The following KCNG2 variants were observed in gnomAD, a reference collection of about 807,000 sequenced individuals.
KCNG2 encodes the protein potassium voltage-gated channel modifier subfamily G member 2, also known as voltage-gated potassium channel regulatory subunit KCNG2.
KCNG2 carries 7 observed loss-of-function variants against 12.3 expected under a neutral mutation model. That is an observed-to-expected ratio of 0.57 (90% CI 0.32 to 1.07). The LOEUF is 1.07. KCNG2 is among the 50% of genes least tolerant of loss of function. The pLI is 0.04. For synonymous variants in KCNG2, 414 were observed against 351.4 expected (o/e 1.18, Z -1.99); for missense variants, 703 against 726.0 (o/e 0.97, Z 0.36).
chr18:79,847,930 A>C (rs1184447736), intron 1 of KCNG2, among the ~76,000 whole-genome samples: 1 of 152,188 alleles, frequency 6.6e-6, no homozygotes, highest in East Asian at 1.9e-4. Flanking sequence ...CATTTCATTT[A>C]TGTATGTGTA....
rs1298074939 is a variant in KCNG2 at position 79,893,495 on chromosome 18, C to T, written c.625-5545C>T. On this transcript the variant is annotated intron_variant, in intron 3 of 3. Transcript: ENST00000316249. The stretch of plus-strand genomic sequence containing the variant: ...ATGATCGATATAGTTGGGTCTGTGT[C>T]TGCTTTTGATTGCGTTCTTCACTCC... Among the ~76,000 whole-genome samples, 7 of 151,820 alleles carry T rather than the reference C, an allele frequency of 4.6e-5. No homozygotes were observed. The South Asian group carries it at 1.5e-3, about 32-fold the overall frequency.
At chr18:79,871,219 A>G (rs61090726) in intron 3 of KCNG2, among the ~76,000 whole-genome samples, 46,646 of 152,082 alleles carry the variant, frequency 0.31, 8,203 homozygotes, top group South Asian at 0.53. Flanking sequence ...GCTAAGCCTT[A>G]TGAGCTGACA....
intron 1 of KCNG2, among the ~76,000 whole-genome samples, chr18:79,804,944 C>CCACACACACG (rs1353341759): frequency 2.6e-5 from 4 of 152,128 alleles, no homozygotes; most frequent in Non-Finnish European, 5.9e-5. Flanking sequence ...TATAGAATGA[C>CCACACACACG]CACACACACG....
intron 3 of KCNG2, among the ~76,000 whole-genome samples, chr18:79,881,877 C>T (rs1219941144): frequency 6.6e-6 from 1 of 152,148 alleles, no homozygotes; most frequent in Non-Finnish European, 1.5e-5. Flanking sequence ...GGCGTGGGGT[C>T]GTGGACACAG....
chr18:79,830,686 TC>T (rs1978293050), intron 1 of KCNG2, among the ~76,000 whole-genome samples: 2 of 136,646 alleles, frequency 1.5e-5, no homozygotes, highest in East Asian at 2.0e-4. Flanking sequence ...TCAGGAGGGT[TC>T]CCTGCAGACA....
Position 79,864,039 on chromosome 18 carries a change from C to G in KCNG2, c.372C>G (p.Arg124=). ...AGCGCTGCTGCCTGCGCCGCCTGCG[C>G]CGCCGCGAGGAGGAGGCGGCCGAGG... ...RLERCCLRRL[R]RREEEAAEAR... is the part of the protein sequence containing the mutation. Residue 124 remains arginine (R), a synonymous_variant, in exon 3 of 4, where the codon CGC becomes CGG. Transcript: ENST00000316249. 5 of 1,138,048 alleles carry G rather than the reference C, an allele frequency of 4.4e-6. No individual in the cohort carries two copies. Among genetic ancestry groups the G allele is most frequent in the Non-Finnish European group, 4.3e-6 (4 of 928,340 alleles). 70.5% of individuals were successfully genotyped at this position (1,138,048 alleles called of 1,614,324 possible).
chr18:79,807,258 A>G (rs2087456574), intron 1 of KCNG2, among the ~76,000 whole-genome samples: 1 of 152,158 alleles, frequency 6.6e-6, no homozygotes, highest in South Asian at 2.1e-4. Context: ...TTTGCATGAA[A>G]GTGAGGTCCT....
intron 1 of KCNG2, among the ~76,000 whole-genome samples, chr18:79,846,088 C>G (rs1430210209): frequency 9.0e-6 from 1 of 111,382 alleles, no homozygotes; most frequent in African/African-American, 3.5e-5. Context: ...GAGACTCTGT[C>G]TTGGCTGGGC....
At chr18:79,894,383 G>C (rs1372364461) in intron 3 of KCNG2, among the ~76,000 whole-genome samples, 1 of 149,308 alleles carries the variant, frequency 6.7e-6, no homozygotes, top group African/African-American at 2.5e-5. Flanking sequence ...AGTTGGGTCT[G>C]TGTCTGCTTT....
At position 79,846,316 on chromosome 18, in the gene KCNG2, T is replaced by C. The variant is rs200762864; in HGVS notation, c.-114-10063T>C. On this transcript the variant is annotated intron_variant, in intron 1 of 3. Coordinates refer to ENST00000316249, the MANE Select transcript of KCNG2 (RefSeq NM_012283.2). ...TGAACTTGGGAGGTGGAGCTTGCAGTGAGCTGAGATCGTGTGCCACTGCAG... is the reference window on the plus strand; with the variant it reads ...TGAACTTGGGAGGTGGAGCTTGCAGCGAGCTGAGATCGTGTGCCACTGCAG... Among the ~76,000 whole-genome samples the C allele has an allele frequency of 1.2e-4, 16 of 130,910 alleles. No homozygotes were observed. In the East Asian group the frequency reaches 3.5e-3, roughly 29 times the overall value. 85.9% of individuals were successfully genotyped at this position (130,910 alleles called of 152,430 possible).
chr18:79,865,872 T>A (rs1340763598), intron 3 of KCNG2, among the ~76,000 whole-genome samples: 2 of 57,296 alleles, frequency 3.5e-5, no homozygotes, highest in Non-Finnish European at 5.2e-5. Flanking sequence ...GTCTGTGGGC[T>A]GAAGTCTGGG....
rs557424922 is a variant in KCNG2, at chr18:79,845,984, G to A, written c.-114-10395G>A. On this transcript the variant is annotated intron_variant, in intron 1 of 3. Coordinates refer to ENST00000316249, the MANE Select transcript of KCNG2 (RefSeq NM_012283.2). Reference sequence around the variant, plus strand: ...CGGGCCCCTGTAGTCCCAGCTACTCGGGAGGCTGAGGCAGGAGAATGGCGT... The same window carrying A: ...CGGGCCCCTGTAGTCCCAGCTACTCAGGAGGCTGAGGCAGGAGAATGGCGT... 3.0e-4 allele frequency among the ~76,000 whole-genome samples: 46 copies of A among 151,922 alleles called. 1 individual carries two copies. The East Asian group carries it at 5.2e-3, about 17-fold the overall frequency.
chr18:79,828,269 TAA>T lies in KCNG2; in HGVS notation c.-114-28108_-114-28107del, dbSNP rs1334539165. On this transcript the variant is annotated intron_variant, in intron 1 of 3. Coordinates refer to ENST00000316249, the MANE Select transcript of KCNG2 (RefSeq NM_012283.2). ...AGACATACAGACATGTAGGAATACT[TAA>T]AGACATGACATGCGTGCGTGTGCAT... 4.6e-5 allele frequency among the ~76,000 whole-genome samples: 7 copies of T among 152,368 alleles called. No individual in the cohort carries two copies. In the South Asian group the frequency reaches 1.4e-3, roughly 32 times the overall value.
chr18:79,826,232 C>T lies in KCNG2; in HGVS notation c.-115+28218C>T, dbSNP rs551736436. 1.6e-3 allele frequency among the ~76,000 whole-genome samples: 238 copies of T among 152,366 alleles called. 2 individuals carry two copies. Among genetic ancestry groups the T allele is most frequent in the African/African-American group, 4.6e-3 (192 of 41,598 alleles). ...TCCGTGGGAGAAGGGTCGCTTCAGA[C>T]GGGGACCGAGGGCCTGGCTCTGGGA... On this transcript the variant is annotated intron_variant, in intron 1 of 3. Transcript: ENST00000316249.
At chr18:79,877,708 G>A (rs922560073) in intron 3 of KCNG2, among the ~76,000 whole-genome samples, 4 of 152,186 alleles carry the variant, frequency 2.6e-5, no homozygotes, top group South Asian at 2.1e-4. Context: ...AGCCTCGGTC[G>A]GGGTGACAAG....
intron 1 of KCNG2, among the ~76,000 whole-genome samples, chr18:79,834,488 G>C (rs1024912830): frequency 1.8e-4 from 28 of 152,280 alleles, no homozygotes; most frequent in African/African-American, 6.7e-4. Flanking sequence ...GACAAAGTCC[G>C]GCAGAGTCAA....
intron 1 of KCNG2, among the ~76,000 whole-genome samples, chr18:79,826,057 C>T (rs780502561): frequency 6.6e-6 from 1 of 152,238 alleles, no homozygotes; most frequent in Non-Finnish European, 1.5e-5. Flanking sequence ...CTCTCGGCGT[C>T]GGGGCCTGTG....
chr18:79,798,445 G>GA (rs1163746160), intron 1 of KCNG2, among the ~76,000 whole-genome samples: 3 of 152,192 alleles, frequency 2.0e-5, no homozygotes, highest in Non-Finnish European at 4.4e-5. Flanking sequence ...GACTCTCCCG[G>GA]CGCCCGCCCC....
chr18:79,885,361 T>C (rs952093159), intron 3 of KCNG2, among the ~76,000 whole-genome samples: 1 of 152,158 alleles, frequency 6.6e-6, no homozygotes, highest in Non-Finnish European at 1.5e-5. Flanking sequence ...TCAAATCTGA[T>C]CAATCAGGGT....
Sources: gnomAD v4.1 joint callset for allele counts (sites outside exome capture counted in the v4.1 genomes callset) on GRCh38, gnomAD v4.1.1 for gene constraint, MANE v1.5 for transcripts, NCBI Gene and HGNC (gene_info 2026-07-23, HGNC 2026-07-21) for gene names.